The following TNS1 variants were observed in gnomAD, a reference collection of about 807,000 sequenced individuals.
TNS1 encodes tensin 1.
Under a neutral mutation model 168.6 loss-of-function variants are expected in TNS1, and 62 were observed. The observed-to-expected ratio is 0.37, with a 90% CI of 0.30 to 0.45. The LOEUF is 0.45. Ranked by LOEUF, TNS1 falls within the 20% of genes least tolerant of loss-of-function variation. The pLI is 1.00. For missense variants in TNS1, 2,240 were observed against 2,339.4 expected (o/e 0.96, Z 0.88); for synonymous variants, 934 against 933.2 (o/e 1.00, Z -0.02).
At chr2:217,997,753 T>C (rs1297355866) in intron 1 of TNS1, among the ~76,000 whole-genome samples, 1 of 152,190 alleles carries the variant, frequency 6.6e-6, no homozygotes, top group Non-Finnish European at 1.5e-5. Flanking sequence ...TGAAATGAGA[T>C]TATGCCGTAA....
At chr2:217,831,422 C>G (rs757964286) in intron 22 of TNS1, 33 bp downstream of exon 22, 1 of 1,530,318 alleles carries the variant, frequency 6.5e-7, no homozygotes, top group South Asian at 1.2e-5. Flanking sequence ...CTCCCCCTGG[C>G]CCCCCTCCCC....
intron 1 of TNS1, among the ~76,000 whole-genome samples, chr2:218,001,917 A>T (rs1449213653): frequency 6.6e-6 from 1 of 151,864 alleles, no homozygotes; most frequent in Admixed American, 6.6e-5. Flanking sequence ...CAAACCAGCC[A>T]TCACTCTCTC....
chr2:217,867,781 G>A (rs1949407918), intron 18 of TNS1, among the ~76,000 whole-genome samples: 1 of 152,162 alleles, frequency 6.6e-6, no homozygotes, highest in Non-Finnish European at 1.5e-5. Flanking sequence ...CCAGATATTT[G>A]TCTGGCCAGC....
chr2:218,004,130 G>A (rs1217210163), upstream of TNS1, among the ~76,000 whole-genome samples: 1 of 152,162 alleles, frequency 6.6e-6, no homozygotes, highest in Non-Finnish European at 1.5e-5. Flanking sequence ...CTGTTCTTTG[G>A]AGCTGTCCAG....
intron 6 of TNS1, among the ~76,000 whole-genome samples, chr2:217,903,122 G>A (rs989123244): frequency 1.3e-5 from 2 of 152,126 alleles, no homozygotes; most frequent in South Asian, 2.1e-4. Context: ...CAAGGCATCC[G>A]GTCATCCCTG....
chr2:218,029,368 C>T (rs1958874224), intron 1 of TNS1, among the ~76,000 whole-genome samples: 1 of 152,230 alleles, frequency 6.6e-6, no homozygotes, highest in African/African-American at 2.4e-5. Flanking sequence ...TTCCGAGACA[C>T]GTGGGTCTTC....
At position 218,023,029 on chromosome 2, in the gene TNS1, G is replaced by C. The variant is rs565202056; in HGVS notation, c.156+10791C>G. Among the ~76,000 whole-genome samples the C allele has an allele frequency of 2.0e-5, 3 of 152,350 alleles. No individual in the cohort carries two copies. The East Asian group carries it at 5.8e-4, about 29-fold the overall frequency. On this transcript the variant is annotated intron_variant, in intron 1 of 1. Coordinates refer to the TNS1 transcript ENST00000649572. ...CTCCCCTCACGTGGCCTCACGTCTG[G>C]CTGGAAGAAGGGCCAGGTGCCTTCA...
chr2:217,873,141 C>T (rs1247617709), intron 18 of TNS1, among the ~76,000 whole-genome samples: 1 of 152,028 alleles, frequency 6.6e-6, no homozygotes, highest in African/African-American at 2.4e-5. Flanking sequence ...ATACTAAAAC[C>T]CATTGAATTG....
intron 19 of TNS1, chr2:217,842,220 A>G (rs1009638666): frequency 1.5e-6 from 1 of 645,978 alleles, no homozygotes; most frequent in African/African-American, 1.8e-5. Flanking sequence ...TCTGGTATGT[A>G]CACGTCAACA....
At chr2:217,894,951 G>C (rs2288169) in intron 9 of TNS1, 55 bp downstream of exon 9, 172,774 of 1,509,360 alleles carry the variant, frequency 0.11, 12,406 homozygotes, top group South Asian at 0.28. Flanking sequence ...ACTCCAGAGA[G>C]GGAGTCCATC....
chr2:217,909,228 G>C (rs532666620), intron 4 of TNS1, among the ~76,000 whole-genome samples: 1 of 151,986 alleles, frequency 6.6e-6, no homozygotes, highest in East Asian at 1.9e-4. Flanking sequence ...CAGCTGCCTC[G>C]TCTCAGAGCT....
chr2:217,868,986 G>C (rs1217485825), intron 18 of TNS1, among the ~76,000 whole-genome samples: 9 of 152,248 alleles, frequency 5.9e-5, no homozygotes, highest in Non-Finnish European at 1.2e-4. Context: ...ACATAGAGAA[G>C]AAAGGAGATT....
At chr2:217,892,647 AGGCAGTTT>A (rs1262296004) in intron 11 of TNS1, among the ~76,000 whole-genome samples, 1 of 152,180 alleles carries the variant, frequency 6.6e-6, no homozygotes, top group African/African-American at 2.4e-5. Flanking sequence ...GGGAAAAAGA[AGGCAGTTT>A]GGCAAGGAAA....
In TNS1 at chr2:217,813,859, C is replaced by A; in HGVS notation, c.4730-43G>T. 1 of 1,535,670 alleles carries A rather than the reference C, an allele frequency of 6.5e-7. No individual in the cohort carries two copies. The highest frequency in any genetic ancestry group is 1.2e-5 in the South Asian group (1 of 81,068). On this transcript the variant is annotated intron_variant, in intron 25 of 32. Transcript: ENST00000682258. This position sits in a 1 kb window ranked among gnomAD's most constrained non-coding sequence, Gnocchi z 4.0. Reference sequence around the variant, plus strand: ...AAGGAGAGAGGAGGAAGCAAGACCTCGGTGGCGCTAGTTTTACTTAAGTCT... The same window carrying A: ...AAGGAGAGAGGAGGAAGCAAGACCTAGGTGGCGCTAGTTTTACTTAAGTCT...
chr2:217,848,730 G>A lies in TNS1; in HGVS notation c.1787C>T (p.Ser596Leu), dbSNP rs376414331. 9.3e-6 allele frequency: 15 copies of A among 1,614,186 alleles called. No individual in the cohort carries two copies. The South Asian group carries it at 9.9e-5, about 11-fold the overall frequency. Reference protein sequence around the residue: ...QHLRSRPAGGSAVPSSGRHVV... With the variant: ...QHLRSRPAGGLAVPSSGRHVV... ...GTGGCGTCCAGAGGAGGGCACAGCC[G>A]AGCCCCCTGCTGGGCGGGACCTGAG... Residue 596 changes from serine (S) to leucine (L), a missense_variant, in exon 19 of 33, where the codon TCG becomes TTG. By Grantham distance (145) the Ser-to-Leu change is moderately radical. Coordinates refer to ENST00000682258, the MANE Select transcript of TNS1 (RefSeq NM_001387777.1).
intron 3 of TNS1, among the ~76,000 whole-genome samples, chr2:217,978,483 G>A (rs1957948572): frequency 6.6e-6 from 1 of 151,622 alleles, no homozygotes; most frequent in Non-Finnish European, 1.5e-5. Context: ...CTCTCTGGGA[G>A]CTCGGTCCCC....
At chr2:217,809,398 TGG>T (rs1940158297) in intron 30 of TNS1, among the ~76,000 whole-genome samples, 1 of 126,486 alleles carries the variant, frequency 7.9e-6, no homozygotes, top group Non-Finnish European at 1.7e-5. Context: ...GATGGATGGA[TGG>T]ATGGATGGAT....
chr2:217,968,266 G>A (rs530986759), intron 3 of TNS1, among the ~76,000 whole-genome samples: 5 of 152,270 alleles, frequency 3.3e-5, no homozygotes, highest in African/African-American at 1.2e-4. Flanking sequence ...GCCACATCTA[G>A]TAACATTGTA....
At chr2:217,826,432 C>T (rs905038175) in intron 22 of TNS1, among the ~76,000 whole-genome samples, 1 of 152,274 alleles carries the variant, frequency 6.6e-6, no homozygotes, top group East Asian at 1.9e-4. Context: ...CACCCACCAC[C>T]CGTGCACTTA....
Sources: gnomAD v4.1 joint callset for allele counts (sites outside exome capture counted in the v4.1 genomes callset) on GRCh38, gnomAD v4.1.1 for gene constraint, Gnocchi (gnomAD v3.1) non-coding constraint, MANE v1.5 for transcripts, NCBI Gene and HGNC (gene_info 2026-07-23, HGNC 2026-07-21) for gene names.